Variants in MPC2 observed in about 807,000 individuals in gnomAD.
MPC2 encodes brain protein 44.
MPC2 carries 19 observed loss-of-function variants against 19.2 expected under a neutral mutation model. The ratio of observed to expected loss-of-function variants is 0.99; its 90% CI spans 0.69 to 1.45. MPC2 has a LOEUF of 1.45. Ranked by LOEUF, MPC2 falls within the 40% of genes most tolerant of loss-of-function variation. The pLI, the probability that MPC2 is intolerant of heterozygous loss-of-function variation, is 0.00. For synonymous variants in MPC2, 61 were observed against 54.3 expected (o/e 1.12, Z -0.54); for missense variants, 122 against 153.0 (o/e 0.80, Z 1.07).
chr1:167,933,684 C>T lies in MPC2; in HGVS notation c.109+2049G>A, dbSNP rs987299893. Among the ~76,000 whole-genome samples the T allele has an allele frequency of 3.3e-5, 5 of 152,188 alleles. No individual in the cohort carries two copies. The East Asian group carries it at 9.6e-4, about 29-fold the overall frequency. ...ATAGTATGCAAAATCCTTGAATATTCACTCTGGATAAACTCTTAAGACAAT... is the reference window on the plus strand; with the variant it reads ...ATAGTATGCAAAATCCTTGAATATTTACTCTGGATAAACTCTTAAGACAAT... On this transcript the variant is annotated intron_variant, in intron 2 of 5. Transcript: ENST00000271373.
chr1:167,929,741 G>T (rs1322557668), intron 2 of MPC2, among the ~76,000 whole-genome samples: 1 of 152,002 alleles, frequency 6.6e-6, no homozygotes, highest in East Asian at 1.9e-4. Flanking sequence ...TAACTTTTTG[G>T]AACAGAATAG....
At position 167,935,862 on chromosome 1, in the gene MPC2, C is replaced by T; in HGVS notation, c.-21G>A. Reference sequence around the variant, plus strand: ...GACATCGCCGCCGAGGGATCGTTGGCAGCCGGGTGGGAGCGTGGCTGTGTT... The same window carrying T: ...GACATCGCCGCCGAGGGATCGTTGGTAGCCGGGTGGGAGCGTGGCTGTGTT... On this transcript the variant is annotated 5_prime_UTR_variant, in exon 2 of 6. Coordinates refer to ENST00000271373, the MANE Select transcript of MPC2 (RefSeq NM_001143674.4). 1.3e-6 allele frequency: 2 copies of T among 1,536,900 alleles called. No homozygotes were observed. Among genetic ancestry groups the T allele is most frequent in the Non-Finnish European group, 1.8e-6 (2 of 1,135,608 alleles).
Position 167,936,924 on chromosome 1 carries a change from G to C in MPC2, c.-58+15C>G, listed in dbSNP as rs781123320. The C allele has an allele frequency of 1.2e-6, 2 of 1,606,298 alleles. No homozygotes were observed. The highest frequency in any genetic ancestry group is 4.5e-5 in the East Asian group (2 of 44,622). ...CTCAGGCAGAGCCATGTCTCGGGGTGGCTCCTACCCACACCTGTTGTGGGA... is the reference window on the plus strand; with the variant it reads ...CTCAGGCAGAGCCATGTCTCGGGGTCGCTCCTACCCACACCTGTTGTGGGA... On this transcript the variant is annotated intron_variant, in intron 1 of 5. Coordinates refer to ENST00000271373, the MANE Select transcript of MPC2 (RefSeq NM_001143674.4).
chr1:167,925,478 T>TAC lies in MPC2; in HGVS notation c.110-942_110-941insGT, dbSNP rs1553200843. ...ATATATATATATATATATATATACA[T>TAC]ATACATATACACACACATATATATA... On this transcript the variant is annotated intron_variant, in intron 2 of 5. Coordinates refer to ENST00000271373, the MANE Select transcript of MPC2 (RefSeq NM_001143674.4). Among the ~76,000 whole-genome samples, 718 of 122,464 alleles carry TAC rather than the reference T, an allele frequency of 5.9e-3. 1 individual carries two copies. The highest frequency in any genetic ancestry group is 0.012 in the African/African-American group (346 of 29,314). The allele number at this position is 122,464 out of a possible 152,430, so 80.3% of individuals were successfully genotyped here.
At chr1:167,920,410 C>G in intron 4 of MPC2, 137 bp downstream of exon 4, 1 of 926,344 alleles carries the variant, frequency 1.1e-6, no homozygotes, top group South Asian at 1.9e-5. Flanking sequence ...AACTTAATAA[C>G]TTCCTAGACA....
chr1:167,936,956 GA>G lies in MPC2; in HGVS notation c.-76del. Reference sequence around the variant, plus strand: ...ACCCACACCTGTTGTGGGACGTGAGGAAAAGGTCCCTCGGGCTGGAGGACCC... The same window carrying G: ...ACCCACACCTGTTGTGGGACGTGAGGAAAGGTCCCTCGGGCTGGAGGACCC... On this transcript the variant is annotated 5_prime_UTR_variant, in exon 1 of 6. Coordinates refer to ENST00000271373, the MANE Select transcript of MPC2 (RefSeq NM_001143674.4). 6.2e-7 allele frequency: 1 copy of G among 1,611,104 alleles called. No homozygotes were observed. The highest frequency in any genetic ancestry group is 1.1e-5 in the South Asian group (1 of 90,400).
At chr1:167,919,332 G>T (rs1041791812) in intron 5 of MPC2, among the ~76,000 whole-genome samples, 11 of 152,120 alleles carry the variant, frequency 7.2e-5, no homozygotes, top group African/African-American at 2.4e-4. Context: ...GCTTATAATG[G>T]AATGGAGAGT....
At chr1:167,929,299 C>CA (rs1488920649) in intron 2 of MPC2, among the ~76,000 whole-genome samples, 1 of 151,868 alleles carries the variant, frequency 6.6e-6, no homozygotes, top group Non-Finnish European at 1.5e-5. Flanking sequence ...GCAGAGGTTG[C>CA]AGTGAGCCGA....
intron 2 of MPC2, among the ~76,000 whole-genome samples, chr1:167,930,899 G>T (rs1670887906): frequency 6.6e-6 from 1 of 152,206 alleles, no homozygotes; most frequent in Admixed American, 6.5e-5. Context: ...TAGTTTAAAA[G>T]CAGGATAGCA....
chr1:167,928,691 C>CAATG (rs1670822657), intron 2 of MPC2, among the ~76,000 whole-genome samples: 1 of 152,140 alleles, frequency 6.6e-6, no homozygotes, highest in South Asian at 2.1e-4. Context: ...ATGTTCTGTA[C>CAATG]AATGACACAG....
At chr1:167,925,442 C>CATATATTT (rs1553200804) in intron 2 of MPC2, among the ~76,000 whole-genome samples, 1 of 82,478 alleles carries the variant, frequency 1.2e-5, no homozygotes, top group Non-Finnish European at 2.3e-5. Flanking sequence ...TACATATACA[C>CATATATTT]ATATATATAT....
At chr1:167,936,808 C>A (rs1020761493) in intron 1 of MPC2, 131 bp downstream of exon 1, 1 of 1,057,846 alleles carries the variant, frequency 9.5e-7, no homozygotes, top group Non-Finnish European at 1.4e-6. Context: ...AGGCCCGGCG[C>A]GCGGATGGTG....
At position 167,928,647 on chromosome 1, in the gene MPC2, CAT is replaced by C. The variant is rs775658732; in HGVS notation, c.110-4112_110-4111del. On this transcript the variant is annotated intron_variant, in intron 2 of 5. Coordinates refer to ENST00000271373, the MANE Select transcript of MPC2 (RefSeq NM_001143674.4). ...CTCAAATAGTGACAATACAATGTCACATGTGTCATTCTAGACCTGGAAAACAC... is the reference window on the plus strand; with the variant it reads ...CTCAAATAGTGACAATACAATGTCACGTGTCATTCTAGACCTGGAAAACAC... Among the ~76,000 whole-genome samples, 23 of 152,296 alleles carry C rather than the reference CAT, an allele frequency of 1.5e-4. No individual in the cohort carries two copies. In the East Asian group the frequency reaches 4.0e-3, roughly 27 times the overall value.
At chr1:167,925,442 C>CACATATATAT (rs1553200803) in intron 2 of MPC2, among the ~76,000 whole-genome samples, 33 of 82,476 alleles carry the variant, frequency 4.0e-4, no homozygotes, top group South Asian at 8.1e-4. Context: ...TACATATACA[C>CACATATATAT]ATATATATAT....
At chr1:167,929,820 T>G (rs1267320029) in intron 2 of MPC2, among the ~76,000 whole-genome samples, 2 of 152,182 alleles carry the variant, frequency 1.3e-5, no homozygotes, top group Non-Finnish European at 1.5e-5. Flanking sequence ...TATATCCCTC[T>G]GTGAAAAATA....
At chr1:167,929,839 T>TATTTTTATGAATAAGAA (rs1209310625) in intron 2 of MPC2, among the ~76,000 whole-genome samples, 1 of 152,204 alleles carries the variant, frequency 6.6e-6, no homozygotes, top group Non-Finnish European at 1.5e-5. Flanking sequence ...TAAAGTTTCT[T>TATTTTTATGAATAAGAA]ACTGAATGCT....
At chr1:167,920,155 A>C (rs34646997) in intron 4 of MPC2, 65 bp from the exon 5 acceptor site, 10,721 of 964,204 alleles carry the variant, frequency 0.011, 73 homozygotes, top group Middle Eastern at 0.021. Context: ...GTGAATACTT[A>C]ATATTGAGTA....
At position 167,935,777 on chromosome 1, in the gene MPC2, A is replaced by T. The variant is rs536422844; in HGVS notation, c.65T>A (p.Leu22Gln). Reference sequence around the variant, plus strand: ...CGGCCTCAATTTCTCGGGCAGCATCAGCTCCACTTTATCGAGGAGCCGGTG... The same window carrying T: ...CGGCCTCAATTTCTCGGGCAGCATCTGCTCCACTTTATCGAGGAGCCGGTG... ...TYHRLLDKVELMLPEKLRPLY... is the reference protein window; with the variant it reads ...TYHRLLDKVEQMLPEKLRPLY... Residue 22 changes from leucine to glutamine, a missense_variant, in exon 2 of 6, where the codon CTG becomes CAG. By Grantham distance (113) the Leu-to-Gln change is moderately radical (BLOSUM62 -2). Transcript: ENST00000271373. The T allele has an allele frequency of 4.5e-6, 7 of 1,564,918 alleles. No individual in the cohort carries two copies. The South Asian group carries it at 7.0e-5, about 16-fold the overall frequency.
intron 3 of MPC2, among the ~76,000 whole-genome samples, chr1:167,922,416 T>C (rs1670623854): frequency 6.6e-6 from 1 of 152,130 alleles, no homozygotes; most frequent in African/African-American, 2.4e-5. Flanking sequence ...CCTAAATTTA[T>C]TGTGAATAGA....
Sources: gnomAD v4.1 joint callset for allele counts (sites outside exome capture counted in the v4.1 genomes callset) on GRCh38, gnomAD v4.1.1 for gene constraint, MANE v1.5 for transcripts, NCBI Gene and HGNC (gene_info 2026-07-23, HGNC 2026-07-21) for gene names.